Variants in LONP1 observed in about 807,000 individuals in gnomAD.
LONP1 encodes lon protease homolog, mitochondrial.
LONP1 carries 31 observed loss-of-function variants against 98.5 expected under a neutral mutation model. The observed-to-expected ratio is 0.31, with a 90% CI of 0.24 to 0.42. The LOEUF is 0.42. Among genes scored for constraint, LONP1 ranks in the 20% least tolerant of loss-of-function variants. LONP1 has a pLI of 1.00. For synonymous variants in LONP1, 781 were observed against 594.7 expected (o/e 1.31, Z -4.56); for missense variants, 1,336 against 1,350.6 (o/e 0.99, Z 0.17).
Position 5,705,930 on chromosome 19 carries a change from G to A in LONP1, c.1209C>T (p.Ile403=), listed in dbSNP as rs764862589. 1.3e-5 allele frequency: 21 copies of A among 1,614,032 alleles called. No individual in the cohort carries two copies. The highest frequency in any genetic ancestry group is 1.8e-5 in the Non-Finnish European group (21 of 1,180,026). ...KYLLQEQLKI[I]KKELGLEKDD... ...CCTTCTCCAGGCCCAGCTCCTTCTT[G>A]ATGATCTTTAGCTGCTCCTGCAGCA... The change falls in exon 8 of 18, where the codon ATC becomes ATT. Residue 403 remains isoleucine (I), a synonymous_variant. Coordinates refer to ENST00000360614, the MANE Select transcript of LONP1 (RefSeq NM_004793.4).
intron 10 of LONP1, among the ~76,000 whole-genome samples, chr19:5,698,166 G>A (rs985024383): frequency 1.5e-4 from 22 of 150,440 alleles, no homozygotes; most frequent in African/African-American, 3.2e-4. Flanking sequence ...CAGAGTGGCC[G>A]CCCCCTGGGG....
chr19:5,702,999 C>T (rs960561617), intron 8 of LONP1, among the ~76,000 whole-genome samples: 6 of 149,798 alleles, frequency 4.0e-5, no homozygotes, highest in African/African-American at 1.5e-4. Context: ...GCGAGAAACA[C>T]CCAAGAATGA....
chr19:5,697,706 T>A (rs115323632), intron 10 of LONP1, among the ~76,000 whole-genome samples: 148 of 151,956 alleles, frequency 9.7e-4, no homozygotes, highest in Non-Finnish European at 1.8e-3. Context: ...AGGAGGGTTT[T>A]GCTGCTGTTA....
chr19:5,696,524 TGGGA>T, intron 11 of LONP1, 142 bp downstream of exon 11: 1 of 1,305,492 alleles, frequency 7.7e-7, no homozygotes, highest in Non-Finnish European at 1.1e-6. Flanking sequence ...TGGCTGTGGG[TGGGA>T]GGGACCCGTC....
intron 1 of LONP1, among the ~76,000 whole-genome samples, chr19:5,717,847 T>C: frequency 6.6e-6 from 1 of 151,434 alleles, no homozygotes; most frequent in Non-Finnish European, 1.5e-5. Context: ...TCCAAGTAGC[T>C]GGGAAGACAG....
At chr19:5,710,834 C>T (rs576033167) in intron 4 of LONP1, among the ~76,000 whole-genome samples, 24 of 151,930 alleles carry the variant, frequency 1.6e-4, no homozygotes, top group Admixed American at 5.3e-4. Context: ...GAGACTAGCC[C>T]GGCCAACATG....
intron 8 of LONP1, among the ~76,000 whole-genome samples, chr19:5,701,788 G>A (rs911937634): frequency 7.3e-5 from 11 of 151,596 alleles, no homozygotes; most frequent in African/African-American, 1.7e-4. Context: ...CTGCCTGGCC[G>A]CCCATCGTCT....
intron 2 of LONP1, among the ~76,000 whole-genome samples, chr19:5,713,667 T>A (rs1448619431): frequency 1.3e-5 from 2 of 152,188 alleles, no homozygotes; most frequent in Non-Finnish European, 2.9e-5. Flanking sequence ...GTTCAACCGA[T>A]TCTCCTTCCT....
At chr19:5,712,073 G>A in intron 3 of LONP1, 71 bp from the exon 4 acceptor site, 1 of 1,261,274 alleles carries the variant, frequency 7.9e-7, no homozygotes, top group Non-Finnish European at 1.1e-6. Flanking sequence ...AGGCCTCCCT[G>A]GTGGCACAGG....
Position 5,694,550 on chromosome 19 carries a change from C to A in LONP1, c.2157G>T (p.Val719=). 6.2e-7 allele frequency: 1 copy of A among 1,610,580 alleles called. No homozygotes were observed. The change falls in exon 15 of 18, where the codon GTG becomes GTT. Residue 719 remains valine (V), a splice_region_variant and synonymous_variant. Coordinates refer to ENST00000360614, the MANE Select transcript of LONP1 (RefSeq NM_004793.4). ...VRNLQKQVEK[V]LRKSAYKIVS... is the part of the protein sequence containing the mutation. ...CAATCTTGTAGGCCGATTTCCGTAA[C>A]ACCTGGGCGGTCAGGGCAACACAAT...
chr19:5,696,229 G>GC lies in LONP1; in HGVS notation c.1896+19dup. The GC allele has an allele frequency of 6.2e-7, 1 of 1,612,992 alleles. No individual in the cohort carries two copies. The highest frequency in any genetic ancestry group is 2.2e-5 in the East Asian group (1 of 44,872). ...CGCTTACCCTCCCCAGCAAGCCCAGGCCCCAGACAGGCCCCCCACCTTGGA... is the reference window on the plus strand; with the variant it reads ...CGCTTACCCTCCCCAGCAAGCCCAGGCCCCCAGACAGGCCCCCCACCTTGGA... On this transcript the variant is annotated intron_variant, in intron 12 of 17. Transcript: ENST00000360614.
At chr19:5,706,100 AGAAAC>A (rs1482101432) in intron 7 of LONP1, 108 bp from the exon 8 acceptor site, 5 of 729,490 alleles carry the variant, frequency 6.9e-6, no homozygotes, top group Non-Finnish European at 1.2e-5. Flanking sequence ...CAGAGAGAAA[AGAAAC>A]GAAACCCAGA....
At position 5,709,647 on chromosome 19, in the gene LONP1, C is replaced by T. The variant is rs140058700; in HGVS notation, c.871-1244G>A. ...AAGTTCAGCTGGGCACAGTGGCTCA[C>T]GCCTGTAACCCCAGCACTTTGGGAT... is the stretch of plus-strand genomic sequence containing the variant. On this transcript the variant is annotated intron_variant, in intron 4 of 17. Transcript: ENST00000360614. Among the ~76,000 whole-genome samples the T allele has an allele frequency of 6.1e-3, 921 of 152,138 alleles. 16 individuals carry two copies. Among genetic ancestry groups the T allele is most frequent in the African/African-American group, 0.021 (874 of 41,504 alleles).
intron 9 of LONP1, 100 bp from the exon 10 acceptor site, chr19:5,699,305 G>T: frequency 1.0e-6 from 1 of 967,294 alleles, no homozygotes; most frequent in Non-Finnish European, 1.4e-6. Context: ...ACGTCTGAGG[G>T]CTGCGAGAAG....
At chr19:5,704,607 C>G (rs964471126) in intron 8 of LONP1, among the ~76,000 whole-genome samples, 1 of 152,230 alleles carries the variant, frequency 6.6e-6, no homozygotes, top group Non-Finnish European at 1.5e-5. Flanking sequence ...GGGCTGAAAA[C>G]AGAGCATGCT....
chr19:5,691,976 T>TCAGTTCTGGCCCAGACAGGGTCTGACATC lies in LONP1; in HGVS notation c.*55_*56insGATGTCAGACCCTGTCTGGGCCAGAACTG. 1.3e-6 allele frequency: 2 copies of TCAGTTCTGGCCCAGACAGGGTCTGACATC among 1,536,482 alleles called. No individual in the cohort carries two copies. The highest frequency in any genetic ancestry group is 1.8e-6 in the Non-Finnish European group (2 of 1,135,666). ...GGTCCGGGCGCGCTCCCCACAGCGC[T>TCAGTTCTGGCCCAGACAGGGTCTGACATC]CAGTTCTGGCCCAGACAGGGCCTGA... is the stretch of plus-strand genomic sequence containing the variant. On this transcript the variant is annotated 3_prime_UTR_variant, in exon 18 of 18. Coordinates refer to ENST00000360614, the MANE Select transcript of LONP1 (RefSeq NM_004793.4).
intron 13 of LONP1, among the ~76,000 whole-genome samples, chr19:5,695,335 G>A (rs1324968111): frequency 6.6e-6 from 1 of 152,096 alleles, no homozygotes; most frequent in African/African-American, 2.4e-5. Context: ...CTAATGGCAT[G>A]GGGGAGGGCA....
At chr19:5,692,572 C>T (rs2054846289) in intron 17 of LONP1, among the ~76,000 whole-genome samples, 1 of 152,146 alleles carries the variant, frequency 6.6e-6, no homozygotes, top group Non-Finnish European at 1.5e-5. Flanking sequence ...TGAGCATCTG[C>T]ATCTCTGCCC....
Position 5,699,136 on chromosome 19 carries a change from CA to C in LONP1, c.1575del (p.Gly526AlafsTer15), listed in dbSNP as rs2054996138. The C allele has an allele frequency of 6.4e-7, 1 of 1,564,690 alleles. No homozygotes were observed. Among genetic ancestry groups the C allele is most frequent in the Non-Finnish European group, 8.7e-7 (1 of 1,148,820 alleles). On this transcript the variant is annotated frameshift_variant, in exon 10 of 18. Coordinates refer to ENST00000360614, the MANE Select transcript of LONP1 (RefSeq NM_004793.4). LOFTEE classifies it high-confidence loss of function. ...QGKILCFYGP[P>X]GVGKTSIARS... is the part of the protein sequence containing the mutation. Reference sequence around the variant, plus strand: ...CGAGCAATGCTGGTCTTACCCACGCCAGGGGGGCCATAGAAGCAGAGGATCT... The same window carrying C: ...CGAGCAATGCTGGTCTTACCCACGCCGGGGGGCCATAGAAGCAGAGGATCT...
Sources: allele counts gnomAD v4.1 joint callset (sites outside exome capture counted in the v4.1 genomes callset), GRCh38; gene constraint gnomAD v4.1.1; transcripts MANE v1.5; gene names NCBI Gene and HGNC (gene_info 2026-07-23, HGNC 2026-07-21).